Variants in LRRFIP2 observed in about 807,000 individuals in gnomAD.
The protein encoded by LRRFIP2 is leucine-rich repeat flightless-interacting protein 2.
In LRRFIP2, 109 loss-of-function variants were observed where a neutral mutation model predicts 125.9. That is an observed-to-expected ratio of 0.87 (90% CI 0.74 to 1.01). LRRFIP2 has a LOEUF of 1.01. Among genes scored for constraint, LRRFIP2 ranks in the 50% least tolerant of loss-of-function variants. The pLI is 0.00. For synonymous variants in LRRFIP2, 291 were observed against 293.1 expected (o/e 0.99, Z 0.07); for missense variants, 850 against 862.3 (o/e 0.99, Z 0.18).
chr3:37,161,070 A>C (rs545600432), intron 1 of LRRFIP2, among the ~76,000 whole-genome samples: 2 of 151,100 alleles, frequency 1.3e-5, no homozygotes, highest in African/African-American at 4.9e-5. Flanking sequence ...TGGGCCTGAC[A>C]TGATGGCTCA....
At chr3:37,149,603 C>G (rs2095957648) in intron 1 of LRRFIP2, among the ~76,000 whole-genome samples, 1 of 152,178 alleles carries the variant, frequency 6.6e-6, no homozygotes, top group Non-Finnish European at 1.5e-5. Context: ...AGAAGTTATT[C>G]AGCCTAAACT....
In LRRFIP2 at chr3:37,072,721, T is replaced by C. The variant is rs996628887; in HGVS notation, c.1464+69A>G. The C allele has an allele frequency of 7.7e-6, 7 of 913,228 alleles. No individual in the cohort carries two copies. In the East Asian group the frequency reaches 1.7e-4, roughly 23 times the overall value. 56.6% of individuals were successfully genotyped at this position (913,228 alleles called of 1,614,324 possible). ...GAATCAAAAGGACAGGTTTTTTCAA[T>C]CTCTAGGTTAAATTCTACTGTAGTC... On this transcript the variant is annotated intron_variant, in intron 21 of 27. Transcript: ENST00000336686.
At chr3:37,128,622 T>C (rs1005738916) in intron 3 of LRRFIP2, among the ~76,000 whole-genome samples, 1 of 152,178 alleles carries the variant, frequency 6.6e-6, no homozygotes, top group African/African-American at 2.4e-5. Context: ...CTACAAATTT[T>C]ATTGTTTTGG....
chr3:37,106,906 ATT>A (rs34377493), intron 13 of LRRFIP2, among the ~76,000 whole-genome samples: 3 of 144,536 alleles, frequency 2.1e-5, no homozygotes, highest in African/African-American at 2.6e-5. Context: ...GGAAATGACT[ATT>A]TTTTTTTTTT....
intron 8 of LRRFIP2, 136 bp from the exon 9 acceptor site, chr3:37,111,201 CATCAT>C: frequency 1.7e-6 from 1 of 597,210 alleles, no homozygotes; most frequent in East Asian, 2.9e-5. Flanking sequence ...GTTTTTAAAT[CATCAT>C]ATCACATTAA....
At chr3:37,149,872 A>G (rs1256235840) in intron 1 of LRRFIP2, among the ~76,000 whole-genome samples, 3 of 151,882 alleles carry the variant, frequency 2.0e-5, no homozygotes, top group Admixed American at 2.0e-4. Context: ...ATGGTGGCGC[A>G]TGCCTATAAT....
chr3:37,070,502 G>A (rs533998363), intron 21 of LRRFIP2, among the ~76,000 whole-genome samples: 15 of 152,072 alleles, frequency 9.9e-5, no homozygotes, highest in African/African-American at 2.4e-4. Flanking sequence ...TTGGAAGGCC[G>A]AGGTGGGTGG....
At chr3:37,173,145 C>A (rs2096608578) in intron 1 of LRRFIP2, 1 of 152,154 alleles carries the variant, frequency 6.6e-6, no homozygotes, top group South Asian at 2.1e-4. Context: ...TTGCAGTGAG[C>A]CGAGATTGCG....
intron 3 of LRRFIP2, 28 bp from the exon 4 acceptor site, chr3:37,127,708 AAT>A: frequency 6.3e-7 from 1 of 1,576,256 alleles, no homozygotes. Flanking sequence ...TCATAAACCA[AAT>A]AGTTTCTAAC....
intron 15 of LRRFIP2, among the ~76,000 whole-genome samples, chr3:37,101,097 T>A (rs1230485457): frequency 6.6e-6 from 1 of 152,030 alleles, no homozygotes. Flanking sequence ...GTGGCTCATG[T>A]ATGTAATCTC....
intron 11 of LRRFIP2, 23 bp downstream of exon 11, chr3:37,109,504 C>A (rs778309772): frequency 3.1e-6 from 5 of 1,613,690 alleles, no homozygotes; most frequent in Non-Finnish European, 4.2e-6. Context: ...GCACTGCACA[C>A]ACTGGAAGAG....
chr3:37,053,932 C>T lies in LRRFIP2; in HGVS notation c.2085G>A (p.Glu695=). The T allele has an allele frequency of 6.2e-7, 1 of 1,613,804 alleles. No homozygotes were observed. Residue 695 remains glutamate (E), a synonymous_variant, in exon 28 of 28, where the codon GAG becomes GAA. Coordinates refer to ENST00000336686, the MANE Select transcript of LRRFIP2 (RefSeq NM_006309.4). ...ELRTALDKIE[E]MEMTNSHLAK... is the part of the protein sequence containing the mutation. ...CCAGGTGGCTGTTGGTCATCTCCAT[C>T]TCCTCAATCTTGTCCAGTGCTGTTC... is the stretch of plus-strand genomic sequence containing the variant.
intron 25 of LRRFIP2, among the ~76,000 whole-genome samples, chr3:37,058,445 G>A (rs1409630536): frequency 6.6e-6 from 1 of 152,070 alleles, no homozygotes; most frequent in African/African-American, 2.4e-5. Context: ...AGGCTGAGGT[G>A]GGCAGATCAC....
At chr3:37,121,759 C>T (rs999781727) in intron 4 of LRRFIP2, 68 bp from the exon 5 acceptor site, 22 of 1,485,228 alleles carry the variant, frequency 1.5e-5, no homozygotes, top group Non-Finnish European at 2.1e-5. Flanking sequence ...AACAACTGAG[C>T]AAAGAGCAGT....
At chr3:37,123,170 T>TTTGTTGTTG (rs113012823) in intron 4 of LRRFIP2, among the ~76,000 whole-genome samples, 23 of 150,950 alleles carry the variant, frequency 1.5e-4, no homozygotes, top group African/African-American at 5.4e-4. Flanking sequence ...CTGATTTACA[T>TTTGTTGTTG]TTGTTGTTGT....
upstream of LRRFIP2, chr3:37,174,932 A>G (rs1207952058): frequency 1.3e-5 from 2 of 152,212 alleles, no homozygotes; most frequent in Non-Finnish European, 2.9e-5. Flanking sequence ...ATATTATAAT[A>G]CTAGGTCATT....
chr3:37,054,954 G>T, intron 26 of LRRFIP2, 132 bp downstream of exon 26: 1 of 632,414 alleles, frequency 1.6e-6, no homozygotes, highest in East Asian at 3.0e-5. Flanking sequence ...AGTGCTCTCT[G>T]CTGGCTTTTC....
In LRRFIP2 at chr3:37,056,488, C is replaced by G. The variant is rs956678109; in HGVS notation, c.1871-1323G>C. Among the ~76,000 whole-genome samples the G allele has an allele frequency of 2.0e-5, 3 of 150,080 alleles. No homozygotes were observed. The East Asian group carries it at 5.8e-4, about 29-fold the overall frequency. On this transcript the variant is annotated intron_variant, in intron 25 of 27. Coordinates refer to ENST00000336686, the MANE Select transcript of LRRFIP2 (RefSeq NM_006309.4). ...TTTTTTTTTGAGATGGAGTCTCGCT[C>G]TGTCGCCCAGGCTAGAGTGCAGTGG...
intron 2 of LRRFIP2, among the ~76,000 whole-genome samples, chr3:37,136,587 C>T (rs1395238655): frequency 6.6e-6 from 1 of 151,930 alleles, no homozygotes. Context: ...CTATTAATAA[C>T]AAGTTTGGAA....
Sources: gnomAD v4.1 joint callset for allele counts (sites outside exome capture counted in the v4.1 genomes callset) on GRCh38, gnomAD v4.1.1 for gene constraint, MANE v1.5 for transcripts, NCBI Gene and HGNC (gene_info 2026-07-23, HGNC 2026-07-21) for gene names.